The following IMMP2L variants were observed in gnomAD, a reference collection of about 807,000 sequenced individuals.
IMMP2L encodes inner mitochondrial membrane peptidase subunit 2, also known as mitochondrial inner membrane protease subunit 2.
Under a neutral mutation model 19.3 loss-of-function variants are expected in IMMP2L, and 18 were observed. That is an observed-to-expected ratio of 0.93 (90% CI 0.64 to 1.38). The LOEUF is 1.38. IMMP2L is among the 40% of genes most tolerant of loss of function. The probability of loss-of-function intolerance (pLI) is 0.00; values close to 1 mark genes in which losing one functional copy is unlikely to be tolerated. For synonymous variants in IMMP2L, 76 were observed against 73.0 expected (o/e 1.04, Z -0.21); for missense variants, 233 against 218.2 (o/e 1.07, Z -0.43).
chr7:111,079,868 G>C (rs1295001326), intron 3 of IMMP2L, among the ~76,000 whole-genome samples: 1 of 152,154 alleles, frequency 6.6e-6, no homozygotes. Context: ...CTCCCATAAT[G>C]AGACTGGTAG....
chr7:111,009,086 A>C (rs2129562927), intron 3 of IMMP2L, among the ~76,000 whole-genome samples: 1 of 152,190 alleles, frequency 6.6e-6, no homozygotes, highest in South Asian at 2.1e-4. Flanking sequence ...TGTTCTATTA[A>C]TACAATCAGT....
At chr7:111,167,719 T>A (rs569778722) in intron 3 of IMMP2L, among the ~76,000 whole-genome samples, 1 of 151,932 alleles carries the variant, frequency 6.6e-6, no homozygotes, top group South Asian at 2.1e-4. Context: ...TTTAACATCA[T>A]GTGCCTCAAA....
At chr7:110,978,114 T>C (rs144931921) in intron 3 of IMMP2L, among the ~76,000 whole-genome samples, 93 of 152,078 alleles carry the variant, frequency 6.1e-4, no homozygotes, top group Middle Eastern at 3.4e-3. Flanking sequence ...GAAAGCACAA[T>C]TTAAAAAGTC....
intron 5 of IMMP2L, among the ~76,000 whole-genome samples, chr7:110,736,702 C>T (rs568895076): frequency 2.0e-5 from 3 of 152,264 alleles, no homozygotes; most frequent in African/African-American, 7.2e-5. Context: ...TCCTATTTCT[C>T]CCTTTTGAAA....
At chr7:110,810,097 C>G (rs569962228) in intron 5 of IMMP2L, among the ~76,000 whole-genome samples, 53 of 152,186 alleles carry the variant, frequency 3.5e-4, no homozygotes, top group East Asian at 1.6e-3. Flanking sequence ...GCTTCCATCT[C>G]GTTCCCAACT....
At chr7:110,948,844 G>A (rs540006845) in intron 4 of IMMP2L, among the ~76,000 whole-genome samples, 58 of 152,262 alleles carry the variant, frequency 3.8e-4, no homozygotes, top group African/African-American at 8.7e-4. Context: ...CACCCTCAAC[G>A]TGGACGGGCA....
At chr7:111,053,641 A>T (rs1007658238) in intron 3 of IMMP2L, among the ~76,000 whole-genome samples, 4 of 152,174 alleles carry the variant, frequency 2.6e-5, no homozygotes, top group Admixed American at 6.5e-5. Flanking sequence ...GTGGGGGCTG[A>T]GGGAAGAGTC....
At chr7:110,950,893 A>G (rs1021786405) in intron 4 of IMMP2L, among the ~76,000 whole-genome samples, 3 of 131,662 alleles carry the variant, frequency 2.3e-5, no homozygotes, top group Admixed American at 2.2e-4. Flanking sequence ...CACCAAGTTC[A>G]TGTATATATA....
At chr7:111,535,813 G>A (rs1407907946) in intron 1 of IMMP2L, among the ~76,000 whole-genome samples, 2 of 152,110 alleles carry the variant, frequency 1.3e-5, no homozygotes, top group African/African-American at 4.8e-5. Context: ...GGGAATCAGG[G>A]AAGAATGCTG....
intron 4 of IMMP2L, among the ~76,000 whole-genome samples, chr7:110,933,574 T>C (rs987531149): frequency 1.3e-5 from 2 of 152,204 alleles, no homozygotes; most frequent in Non-Finnish European, 1.5e-5. Context: ...AAGAAAATTT[T>C]CTTTAAACTC....
At chr7:110,673,253 C>T (rs948240039) in intron 5 of IMMP2L, among the ~76,000 whole-genome samples, 3 of 152,210 alleles carry the variant, frequency 2.0e-5, no homozygotes, top group Non-Finnish European at 4.4e-5. Flanking sequence ...TACCTTGGCC[C>T]TTTTAGCCAT....
At chr7:111,177,265 G>A (rs1807180286) in intron 3 of IMMP2L, among the ~76,000 whole-genome samples, 1 of 151,982 alleles carries the variant, frequency 6.6e-6, no homozygotes. Context: ...CTGCAGGCTT[G>A]ACCTCCCAGG....
chr7:111,268,489 A>T (rs1283805548), intron 3 of IMMP2L, among the ~76,000 whole-genome samples: 6 of 113,282 alleles, frequency 5.3e-5, no homozygotes, highest in Non-Finnish European at 1.1e-4. Flanking sequence ...TTATCTAATA[A>T]AAAAAAAAAA....
chr7:111,517,964 G>A (rs560102047), intron 2 of IMMP2L, among the ~76,000 whole-genome samples: 5 of 152,112 alleles, frequency 3.3e-5, no homozygotes, highest in South Asian at 2.1e-4. Context: ...GCAGCTATAC[G>A]GCTTTATAAA....
chr7:111,332,597 A>G (rs1584669828), intron 3 of IMMP2L, among the ~76,000 whole-genome samples: 1 of 151,998 alleles, frequency 6.6e-6, no homozygotes, highest in East Asian at 1.9e-4. Context: ...TTAACATACT[A>G]CTTAGAACAA....
intron 5 of IMMP2L, among the ~76,000 whole-genome samples, chr7:110,667,976 T>C (rs968244000): frequency 2.6e-5 from 4 of 152,194 alleles, no homozygotes; most frequent in African/African-American, 4.8e-5. Flanking sequence ...TAAGGATACA[T>C]ACATATTCCT....
chr7:111,308,870 C>G (rs1823183341), intron 3 of IMMP2L, among the ~76,000 whole-genome samples: 1 of 151,914 alleles, frequency 6.6e-6, no homozygotes, highest in African/African-American at 2.4e-5. Context: ...AAAGATTACA[C>G]AAGTACCATG....
chr7:110,991,086 A>G (rs1190574433), intron 3 of IMMP2L, among the ~76,000 whole-genome samples: 1 of 152,216 alleles, frequency 6.6e-6, no homozygotes, highest in African/African-American at 2.4e-5. Context: ...AGCTGTTTAC[A>G]TAGTACTGGT....
chr7:111,073,277 CAGAG>C (rs1795114765), intron 3 of IMMP2L, among the ~76,000 whole-genome samples: 1 of 151,906 alleles, frequency 6.6e-6, no homozygotes, highest in African/African-American at 2.4e-5. Flanking sequence ...GTGGGGGAGA[CAGAG>C]AGAGGAGGAG....
Sources: gnomAD v4.1 joint callset for allele counts (sites outside exome capture counted in the v4.1 genomes callset) on GRCh38, gnomAD v4.1.1 for gene constraint, MANE v1.5 for transcripts, NCBI Gene and HGNC (gene_info 2026-07-23, HGNC 2026-07-21) for gene names.